The following IL10RB variants were observed in gnomAD, a reference collection of about 807,000 sequenced individuals.
IL10RB encodes interleukin 10 receptor subunit beta.
Under a neutral mutation model 38.7 loss-of-function variants are expected in IL10RB, and 30 were observed. That is an observed-to-expected ratio of 0.78 (90% CI 0.58 to 1.05). The LOEUF (loss-of-function observed/expected upper bound fraction) is 1.05, where lower values mean the gene tolerates loss of function less well. Among genes scored for constraint, IL10RB ranks in the 50% least tolerant of loss-of-function variants. The pLI, the probability that IL10RB is intolerant of heterozygous loss-of-function variation, is 0.00. For missense variants in IL10RB, 328 were observed against 397.1 expected (o/e 0.83, Z 1.48); for synonymous variants, 142 against 145.9 (o/e 0.97, Z 0.19).
At chr21:33,276,363 A>G (rs1989170239) in intron 2 of IL10RB, among the ~76,000 whole-genome samples, 1 of 152,190 alleles carries the variant, frequency 6.6e-6, no homozygotes, top group Admixed American at 6.5e-5. Context: ...AAAATACGTA[A>G]TCAAGGAAGC....
At chr21:33,286,824 G>T (rs893942228) in intron 5 of IL10RB, among the ~76,000 whole-genome samples, 1 of 152,116 alleles carries the variant, frequency 6.6e-6, no homozygotes, top group African/African-American at 2.4e-5. Flanking sequence ...CTGTACTCCA[G>T]CCTGGACAAC....
chr21:33,290,134 T>C (rs1311492154), intron 6 of IL10RB, among the ~76,000 whole-genome samples: 4 of 140,940 alleles, frequency 2.8e-5, no homozygotes, highest in Admixed American at 7.0e-5. Flanking sequence ...AATACAAAAA[T>C]ACAAAAATTA....
intron 6 of IL10RB, among the ~76,000 whole-genome samples, chr21:33,288,868 T>G (rs2247961): frequency 0.41 from 62,023 of 151,962 alleles, 12,983 homozygotes; most frequent in Non-Finnish European, 0.45. Flanking sequence ...ATGAAAAGAT[T>G]CCAAGCCCGG....
chr21:33,278,419 C>A (rs947952062), intron 3 of IL10RB, among the ~76,000 whole-genome samples: 2 of 152,124 alleles, frequency 1.3e-5, no homozygotes, highest in African/African-American at 4.8e-5. Flanking sequence ...ATTATATTTT[C>A]TAATGGTACC....
chr21:33,290,113 CA>C (rs529186781), intron 6 of IL10RB, among the ~76,000 whole-genome samples: 111 of 137,996 alleles, frequency 8.0e-4, no homozygotes, highest in Middle Eastern at 7.4e-3. Context: ...GACTCCGTCT[CA>C]AAAAAAAAAA....
At chr21:33,294,134 T>A in intron 6 of IL10RB, 1 of 457,492 alleles carries the variant, frequency 2.2e-6, no homozygotes, top group Non-Finnish European at 4.5e-6. Flanking sequence ...CCCTGTAAGA[T>A]CTGAGAAATC....
chr21:33,283,291 C>T, intron 5 of IL10RB, 50 bp downstream of exon 5: 1 of 1,571,926 alleles, frequency 6.4e-7, no homozygotes. Flanking sequence ...GCTTTATAGA[C>T]ACCTGCCCTA....
intron 3 of IL10RB, among the ~76,000 whole-genome samples, chr21:33,277,016 C>T (rs972052918): frequency 3.3e-5 from 5 of 149,782 alleles, no homozygotes; most frequent in African/African-American, 7.3e-5. Context: ...TGTTGGGGCC[C>T]GTGCTGTTGA....
At chr21:33,285,398 A>G (rs1350337775) in intron 5 of IL10RB, among the ~76,000 whole-genome samples, 1 of 152,178 alleles carries the variant, frequency 6.6e-6, no homozygotes, top group African/African-American at 2.4e-5. Context: ...ATAAAACAGG[A>G]AAGAGTAGTC....
At position 33,268,151 on chromosome 21, in the gene IL10RB, A is replaced by G. The variant is rs138484299; in HGVS notation, c.50-243A>G. 1,852 of 1,292,840 alleles carry G rather than the reference A, an allele frequency of 1.4e-3. 32 individuals carry two copies. In the African/African-American group the frequency reaches 0.025, roughly 17 times the overall value. The allele number at this position is 1,292,840 out of a possible 1,614,324, so 80.1% of individuals were successfully genotyped here. On this transcript the variant is annotated intron_variant, in intron 1 of 6. Transcript: ENST00000290200. ...TACCCCCTCATAGCTTTCTGCCACCAGACAAATCCAAGGCTCCTTTGTCTG... is the reference window on the plus strand; with the variant it reads ...TACCCCCTCATAGCTTTCTGCCACCGGACAAATCCAAGGCTCCTTTGTCTG...
At chr21:33,291,713 A>G (rs933306304) in intron 6 of IL10RB, among the ~76,000 whole-genome samples, 1 of 152,244 alleles carries the variant, frequency 6.6e-6, no homozygotes, top group African/African-American at 2.4e-5. Flanking sequence ...AGCTCCAGCC[A>G]GGATGCACCA....
At chr21:33,290,642 A>G (rs1254068822) in intron 6 of IL10RB, among the ~76,000 whole-genome samples, 1 of 152,218 alleles carries the variant, frequency 6.6e-6, no homozygotes, top group East Asian at 1.9e-4. Flanking sequence ...TCTTGGGTGC[A>G]TGCCAGGGGC....
At chr21:33,291,590 G>A (rs1277480821) in intron 6 of IL10RB, among the ~76,000 whole-genome samples, 2 of 152,164 alleles carry the variant, frequency 1.3e-5, no homozygotes, top group African/African-American at 4.8e-5. Flanking sequence ...TGTAGGAACA[G>A]AATTCAACAC....
rs2082965287 is a variant in IL10RB, at chr21:33,296,220, T to G, written c.841T>G (p.Phe281Val). Residue 281 changes from phenylalanine (F) to valine (V), a missense_variant, in exon 7 of 7, where the codon TTC becomes GTC. By Grantham distance (50) the Phe-to-Val change is conservative (BLOSUM62 -1). Coordinates refer to ENST00000290200, the MANE Select transcript of IL10RB (RefSeq NM_000628.5). The stretch of plus-strand genomic sequence containing the variant: ...TCCTCATCATAACACACTTCTGTTT[T>G]TCTCCTTTCCATTGTCGGATGAGAA... ...GHPHHNTLLF[F>V]SFPLSDENDV... is the part of the protein sequence containing the mutation. 2 of 1,614,198 alleles carry G rather than the reference T, an allele frequency of 1.2e-6. No homozygotes were observed. The highest frequency in any genetic ancestry group is 3.3e-4 in the Middle Eastern group (2 of 6,062).
At chr21:33,277,668 C>CTTTTTTTTTTTTTTTTTTTTT (rs1216043179) in intron 3 of IL10RB, among the ~76,000 whole-genome samples, 12 of 92,978 alleles carry the variant, frequency 1.3e-4, no homozygotes, top group Non-Finnish European at 1.9e-4. Context: ...TTCTTTCTTT[C>CTTTTTTTTTTTTTTTTTTTTT]TTTTTTTTTT....
At chr21:33,287,973 G>A (rs1989405306) in intron 5 of IL10RB, 131 bp from the exon 6 acceptor site, 2 of 876,362 alleles carry the variant, frequency 2.3e-6, no homozygotes, top group Non-Finnish European at 3.9e-6. Context: ...CCAACCAGTT[G>A]CTGTTTCTGA....
At chr21:33,305,154 C>G (rs2082995871) in intron 1 of IL10RB, among the ~76,000 whole-genome samples, 1 of 152,076 alleles carries the variant, frequency 6.6e-6, no homozygotes, top group Non-Finnish European at 1.5e-5. Context: ...CCTCTGTTAC[C>G]CAGGCTGGAG....
At chr21:33,269,895 T>G (rs1191863015) in intron 2 of IL10RB, among the ~76,000 whole-genome samples, 1 of 152,208 alleles carries the variant, frequency 6.6e-6, no homozygotes, top group Non-Finnish European at 1.5e-5. Flanking sequence ...CCTGACCTCA[T>G]GATCCACCCA....
At chr21:33,302,422 AATC>A (rs1189203879) in intron 1 of IL10RB, among the ~76,000 whole-genome samples, 1 of 152,236 alleles carries the variant, frequency 6.6e-6, no homozygotes, top group African/African-American at 2.4e-5. Flanking sequence ...GGCAACTCTG[AATC>A]ATCATCCATC....
Sources: allele counts gnomAD v4.1 joint callset (sites outside exome capture counted in the v4.1 genomes callset), GRCh38; gene constraint gnomAD v4.1.1; transcripts MANE v1.5; gene names NCBI Gene and HGNC (gene_info 2026-07-23, HGNC 2026-07-21).